The following FADS2 variants were observed in gnomAD, a reference collection of about 807,000 sequenced individuals.
The protein encoded by FADS2 is acyl-CoA 6-desaturase.
FADS2 carries 18 observed loss-of-function variants against 61.2 expected under a neutral mutation model. The observed-to-expected ratio is 0.29, with a 90% CI of 0.20 to 0.44. The LOEUF is 0.44. FADS2 is among the 20% of genes least tolerant of loss of function. FADS2 has a pLI of 1.00. For synonymous variants in FADS2, 203 were observed against 223.9 expected (o/e 0.91, Z 0.83); for missense variants, 322 against 572.7 (o/e 0.56, Z 4.47).
intron 7 of FADS2, among the ~76,000 whole-genome samples, chr11:61,858,499 T>C (rs183610196): frequency 6.6e-6 from 1 of 152,210 alleles, no homozygotes; most frequent in Admixed American, 6.5e-5. Context: ...TTTTCTTTTT[T>C]TCTTCACCAA....
chr11:61,816,825 G>T lies in FADS2; in HGVS notation c.141+399G>T. 2.0e-6 allele frequency: 3 copies of T among 1,488,908 alleles called. No individual in the cohort carries two copies. The South Asian group carries it at 3.8e-5, about 19-fold the overall frequency. The allele number at this position is 1,488,908 out of a possible 1,614,324, so 92.2% of individuals were successfully genotyped here. A position where few individuals can be genotyped will look rare whatever the true frequency, so the allele number is the denominator to read the frequency against. ...TCAGGCGCGTGCTCGGGGTCCGCGG[G>T]CTCCAGGAGTGGATTTGCTGGCGCG... is the stretch of plus-strand genomic sequence containing the variant. On this transcript the variant is annotated intron_variant, in intron 1 of 11. Coordinates refer to the FADS2 transcript ENST00000257261. This position sits in a 1 kb window ranked among gnomAD's most constrained non-coding sequence, Gnocchi z 7.0.
rs539637195 is a variant in FADS2 at position 61,821,591 on chromosome 11, C to T, written c.141+5165C>T. ...CAATACCGGTTGTGCTCAGCCTCTG[C>T]TGCAGCCTCCCCTCAGTAGCAGCCC... On this transcript the variant is annotated intron_variant, in intron 1 of 11. Coordinates refer to the FADS2 transcript ENST00000257261. 2.2e-5 allele frequency: 13 copies of T among 580,190 alleles called. No individual in the cohort carries two copies. In the South Asian group the frequency reaches 2.9e-4, roughly 13 times the overall value. The allele number at this position is 580,190 out of a possible 1,614,324, so 35.9% of individuals were successfully genotyped here. A position where few individuals can be genotyped will look rare whatever the true frequency, so the allele number is the denominator to read the frequency against.
chr11:61,852,183 C>T (rs916271068), intron 5 of FADS2, among the ~76,000 whole-genome samples: 3 of 152,228 alleles, frequency 2.0e-5, no homozygotes, highest in Admixed American at 2.0e-4. Flanking sequence ...GCCACACTCA[C>T]ACTCATTCAT....
chr11:61,821,336 A>T (rs1396571808), intron 1 of FADS2: 2 of 695,552 alleles, frequency 2.9e-6, no homozygotes, highest in African/African-American at 3.5e-5. Flanking sequence ...CCTAGACAAC[A>T]TAGTGAGACC....
At chr11:61,856,907 G>A in intron 5 of FADS2, 104 bp from the exon 6 acceptor site, 1 of 936,402 alleles carries the variant, frequency 1.1e-6, no homozygotes, top group South Asian at 1.3e-5. Context: ...ACAGTGGTGT[G>A]CCCTGAGCAG....
intron 5 of FADS2, among the ~76,000 whole-genome samples, chr11:61,853,173 ACAACAAC>A (rs2067322396): frequency 6.6e-6 from 1 of 151,062 alleles, no homozygotes; most frequent in Admixed American, 6.6e-5. Context: ...AACAACAACA[ACAACAAC>A]AAAACAAAAC....
upstream of FADS2, among the ~76,000 whole-genome samples, chr11:61,825,609 C>A (rs557874158): frequency 1.4e-5 from 2 of 145,816 alleles, no homozygotes; most frequent in Admixed American, 6.8e-5. Context: ...CAGAGTGAGA[C>A]CCTGTCTCAA....
In FADS2 at chr11:61,840,425, T is replaced by G; in HGVS notation, c.410T>G (p.Leu137Arg). The change falls in exon 3 of 12, where the codon CTG becomes CGG. Residue 137 changes from leucine to arginine, a missense_variant. Around this residue, in one of 3 missense-constraint regions of FADS2, gnomAD observed 221 missense variants for 427.9 expected, o/e 0.52. Coordinates refer to ENST00000278840, the MANE Select transcript of FADS2 (RefSeq NM_004265.4). ...AACCACGTGTTCTTCCTCCTCCTCC[T>G]GGCCCACATCATCGCCCTGGAGAGC... ...KTNHVFFLLL[L>R]AHIIALESIA... The G allele has an allele frequency of 6.2e-7, 1 of 1,614,180 alleles. No individual in the cohort carries two copies. The highest frequency in any genetic ancestry group is 1.1e-5 in the South Asian group (1 of 91,084).
intron 5 of FADS2, chr11:61,854,045 C>A (rs997773618): frequency 6.6e-6 from 1 of 152,320 alleles, no homozygotes; most frequent in African/African-American, 2.4e-5. Flanking sequence ...CCCTGGCCTG[C>A]GTCTCTGCCT....
intron 5 of FADS2, among the ~76,000 whole-genome samples, chr11:61,852,763 G>A (rs968744554): frequency 2.6e-4 from 40 of 151,866 alleles, no homozygotes; most frequent in Non-Finnish European, 7.4e-5. Flanking sequence ...CTTTTGTCCC[G>A]CTAGTGTCCA....
chr11:61,842,818 G>T (rs2135963375), intron 4 of FADS2, among the ~76,000 whole-genome samples: 1 of 152,366 alleles, frequency 6.6e-6, no homozygotes, highest in South Asian at 2.1e-4. Context: ...GACAAATCTT[G>T]TAGGTCTGTG....
At chr11:61,822,789 T>C (rs1565324608) in intron 1 of FADS2, among the ~76,000 whole-genome samples, 1 of 152,254 alleles carries the variant, frequency 6.6e-6, no homozygotes, top group Non-Finnish European at 1.5e-5. Context: ...CATATATCTA[T>C]AAACACACAT....
Position 61,865,115 on chromosome 11 carries a change from G to A in FADS2, c.1158-37G>A, listed in dbSNP as rs761386978. ...GGAAGCGGGAGCAGCATGGCCCTCTGAGTCCTCACGCTCTGCCCACCCTAC... is the reference window on the plus strand; with the variant it reads ...GGAAGCGGGAGCAGCATGGCCCTCTAAGTCCTCACGCTCTGCCCACCCTAC... On this transcript the variant is annotated intron_variant, in intron 10 of 11. Coordinates refer to ENST00000278840, the MANE Select transcript of FADS2 (RefSeq NM_004265.4). The surrounding 1 kb of genome is among the most constrained non-coding windows in gnomAD (Gnocchi z 4.1). 6 of 1,594,400 alleles carry A rather than the reference G, an allele frequency of 3.8e-6. No homozygotes were observed. In the South Asian group the frequency reaches 6.7e-5, roughly 18 times the overall value.
chr11:61,865,238 A>G lies in FADS2; in HGVS notation c.1244A>G (p.Gln415Arg). The G allele has an allele frequency of 6.2e-7, 1 of 1,613,654 alleles. No homozygotes were observed. The highest frequency in any genetic ancestry group is 8.5e-7 in the Non-Finnish European group (1 of 1,179,966). The change falls in exon 11 of 12, where the codon CAG (glutamine) becomes CGG (arginine). Residue 415 changes from glutamine to arginine, a missense_variant. Coordinates refer to ENST00000278840, the MANE Select transcript of FADS2 (RefSeq NM_004265.4). The surrounding 1 kb of genome is among the most constrained non-coding windows in gnomAD (Gnocchi z 4.1). ...SLCAKHGIEYQEKPLLRALLD... is the reference protein window; with the variant it reads ...SLCAKHGIEYREKPLLRALLD... The stretch of plus-strand genomic sequence containing the variant: ...TGTGCCAAGCATGGCATTGAATACC[A>G]GGAGAAGCCGCTACTGAGGGCCCTG...
At chr11:61,853,065 G>T (rs1591176829) in intron 5 of FADS2, among the ~76,000 whole-genome samples, 3 of 152,162 alleles carry the variant, frequency 2.0e-5, no homozygotes, top group Admixed American at 6.5e-5. Context: ...TGAGGCAAGA[G>T]AATCGCTTGA....
At position 61,816,778 on chromosome 11, in the gene FADS2, C is replaced by G. The variant is rs1019708501; in HGVS notation, c.141+352C>G. 3 of 1,519,906 alleles carry G rather than the reference C, an allele frequency of 2.0e-6. No homozygotes were observed. In the African/African-American group the frequency reaches 4.2e-5, roughly 21 times the overall value. 94.2% of individuals were successfully genotyped at this position (1,519,906 alleles called of 1,614,324 possible). A position where few individuals can be genotyped will look rare whatever the true frequency, so the allele number is the denominator to read the frequency against. ...GGCCATAGCTGGCCTGGCGACGCCG[C>G]GCGCCGGGCCAGCAGGGGCTGTCAG... On this transcript the variant is annotated intron_variant, in intron 1 of 11. Coordinates refer to the FADS2 transcript ENST00000257261. This position sits in a 1 kb window ranked among gnomAD's most constrained non-coding sequence, Gnocchi z 7.0.
intron 4 of FADS2, among the ~76,000 whole-genome samples, chr11:61,843,037 G>A (rs1036540050): frequency 2.6e-5 from 4 of 152,224 alleles, no homozygotes; most frequent in Non-Finnish European, 4.4e-5. Context: ...CCTTCAGCCC[G>A]TGTCATGCCC....
At chr11:61,832,826 C>G (rs2067140080) in intron 1 of FADS2, among the ~76,000 whole-genome samples, 1 of 152,244 alleles carries the variant, frequency 6.6e-6, no homozygotes, top group African/African-American at 2.4e-5. Flanking sequence ...GGGCTGCCAC[C>G]TACTGCACTG....
At chr11:61,859,818 C>T (rs1233616074) in intron 7 of FADS2, among the ~76,000 whole-genome samples, 1 of 152,110 alleles carries the variant, frequency 6.6e-6, no homozygotes, top group South Asian at 2.1e-4. Context: ...AACCCCGTCT[C>T]TACTAAAAAT....
Sources: gnomAD v4.1 joint callset for allele counts (sites outside exome capture counted in the v4.1 genomes callset) on GRCh38, gnomAD v4.1.1 for gene constraint, gnomAD v4.1.1 regional missense constraint, Gnocchi (gnomAD v3.1) non-coding constraint, MANE v1.5 for transcripts, NCBI Gene and HGNC (gene_info 2026-07-23, HGNC 2026-07-21) for gene names.